Variants in USP36 observed in about 807,000 individuals in gnomAD.
USP36 encodes ubiquitin carboxyl-terminal hydrolase 36.
Under a neutral mutation model 111.5 loss-of-function variants are expected in USP36, and 59 were observed. The observed-to-expected ratio is 0.53, with a 90% CI of 0.43 to 0.66. USP36 has a LOEUF of 0.66. Among genes scored for constraint, USP36 ranks in the 30% least tolerant of loss-of-function variants. The pLI is 0.00. For missense variants in USP36, 1,488 were observed against 1,468.0 expected, an observed-to-expected ratio of 1.01 and a Z score of -0.22; for synonymous variants, 628 against 581.0, an observed-to-expected ratio of 1.08 and a Z score of -1.16.
chr17:78,814,598 G>A, intron 10 of USP36, 46 bp from the exon 11 acceptor site: 2 of 1,595,116 alleles, frequency 1.3e-6, no homozygotes, highest in Non-Finnish European at 1.7e-6. Context: ...CACTTTGAGA[G>A]TAAAGATCAA....
rs1224254306 is a variant in USP36 at position 78,796,144 on chromosome 17, G to A, written c.*1756C>T. The A allele has an allele frequency of 4.6e-5, 7 of 152,134 alleles. No homozygotes were observed. Among genetic ancestry groups the A allele is most frequent in the South Asian group, 2.1e-4 (1 of 4,822 alleles). The allele number at this position is 152,134 out of a possible 1,614,324, so 9.4% of individuals were successfully genotyped here. ...GGAAAAGGTTTTACAGTTATCTAGT[G>A]GAGAAGGGAAGAGACTGATTTGGAG... On this transcript the variant is annotated 3_prime_UTR_variant, in exon 21 of 21. Coordinates refer to ENST00000449938, the MANE Select transcript of USP36 (RefSeq NM_001385174.1).
chr17:78,825,221 C>T (rs752431621), intron 6 of USP36, among the ~76,000 whole-genome samples: 2 of 152,172 alleles, frequency 1.3e-5, no homozygotes, highest in East Asian at 1.9e-4. Context: ...CATTCACAAA[C>T]GCTGGTCACC....
chr17:78,812,641 G>C (rs1365082814), intron 13 of USP36, among the ~76,000 whole-genome samples: 1 of 138,826 alleles, frequency 7.2e-6, no homozygotes. Context: ...AGTGAGCCGA[G>C]ATTGGAGATC....
rs1344724466 is a variant in USP36 at position 78,819,940 on chromosome 17, T to G, written c.901A>C (p.Met301Leu). 1.2e-6 allele frequency: 2 copies of G among 1,614,058 alleles called. No homozygotes were observed. The highest frequency in any genetic ancestry group is 1.7e-6 in the Non-Finnish European group (2 of 1,179,974). Residue 301 changes from methionine (M) to leucine (L), a missense_variant, in exon 9 of 21, where the codon ATG becomes CTG. Transcript: ENST00000449938. Reference protein sequence around the residue: ...ADVLSGENAYMCAKCKKKVPA... With the variant: ...ADVLSGENAYLCAKCKKKVPA... Reference sequence around the variant, plus strand: ...CAACGTGAAACTTACTTAGCACACATGTAGGCATTCTCTCCACTCAGGACA... The same window carrying G: ...CAACGTGAAACTTACTTAGCACACAGGTAGGCATTCTCTCCACTCAGGACA...
At chr17:78,792,736 T>C (rs960787504), downstream of USP36, among the ~76,000 whole-genome samples, 1 of 152,080 alleles carries the variant, frequency 6.6e-6, no homozygotes, top group African/African-American at 2.4e-5. Flanking sequence ...TCGTTGTTTT[T>C]GAGACAGAGT....
In USP36 at chr17:78,826,890, T is replaced by G. The variant is rs2067591772; in HGVS notation, c.689+355A>C. 59 of 584,730 alleles carry G rather than the reference T, an allele frequency of 1.0e-4. No homozygotes were observed. The South Asian group carries it at 1.2e-3, about 12-fold the overall frequency. 36.2% of individuals were successfully genotyped at this position (584,730 alleles called of 1,614,324 possible). ...CCTCTTTTCAAAAACGACATGATTT[T>G]TAAGAGACTGAAAAAGTCCATGGTA... On this transcript the variant is annotated intron_variant, in intron 6 of 20. Transcript: ENST00000449938.
rs750704070 is a variant in USP36, at chr17:78,829,012, C to T, written c.476-5G>A. On this transcript the variant is annotated splice_region_variant and splice_polypyrimidine_tract_variant and intron_variant, in intron 4 of 20. Transcript: ENST00000449938. ...TGCAGAAGCTTCCCTGGTGGCCTGC[C>T]GGCGTGGAAGGAGGAGCAATTTTAA... 26 of 1,611,386 alleles carry T rather than the reference C, an allele frequency of 1.6e-5. No homozygotes were observed. The highest frequency in any genetic ancestry group is 1.2e-4 in the Admixed American group (7 of 59,592).
chr17:78,788,443 G>A (rs1426985034), intron 3 of USP36, among the ~76,000 whole-genome samples: 3 of 152,154 alleles, frequency 2.0e-5, no homozygotes, highest in Admixed American at 6.5e-5. Flanking sequence ...GATTACAGGC[G>A]TGAGCCACCG....
At chr17:78,808,624 T>C (rs1037271158) in intron 13 of USP36, among the ~76,000 whole-genome samples, 4 of 152,250 alleles carry the variant, frequency 2.6e-5, no homozygotes, top group African/African-American at 9.6e-5. Flanking sequence ...GGTTAATTTA[T>C]ATAAGCTATA....
intron 10 of USP36, among the ~76,000 whole-genome samples, chr17:78,816,407 C>T (rs2094190791): frequency 6.6e-6 from 1 of 152,060 alleles, no homozygotes. Flanking sequence ...GGGTGGATCA[C>T]TTGAGGTCAG....
Position 78,818,767 on chromosome 17 carries a change from T to C in USP36, c.923A>G (p.Lys308Arg), listed in dbSNP as rs202103052. 15 of 1,613,932 alleles carry C rather than the reference T, an allele frequency of 9.3e-6. No homozygotes were observed. In the East Asian group the frequency reaches 3.3e-4, roughly 36 times the overall value. ...NAYMCAKCKKKVPASKRFTIH... is the reference protein window; with the variant it reads ...NAYMCAKCKKRVPASKRFTIH... Reference sequence around the variant, plus strand: ...GGTGAAGCGCTTGCTGGCTGGAACCTTCTTCTTGCATCTATGAAGAAGGTG... The same window carrying C: ...GGTGAAGCGCTTGCTGGCTGGAACCCTCTTCTTGCATCTATGAAGAAGGTG... The change falls in exon 10 of 21, where the codon AAG (lysine) becomes AGG (arginine). Residue 308 changes from lysine to arginine, a missense_variant. By Grantham distance (26) the Lys-to-Arg change is conservative. This residue lies in a region of USP36 where 196 missense variants were observed against 264.4 expected (regional missense o/e 0.74). Coordinates refer to ENST00000449938, the MANE Select transcript of USP36 (RefSeq NM_001385174.1).
rs757796841 is a variant in USP36 at position 78,803,892 on chromosome 17, G to A, written c.2303C>T (p.Pro768Leu). The change falls in exon 16 of 21, where the codon CCC (proline) becomes CTC (leucine). Residue 768 changes from proline to leucine, a missense_variant. This residue lies in a region of USP36 where 1,073 missense variants were observed against 994.1 expected (regional missense o/e 1.08). Transcript: ENST00000449938. The surrounding 1 kb of genome is among the most constrained non-coding windows in gnomAD (Gnocchi z 4.6). ...GCTCCGTGGTTCTGACGTCCCTGGGGGCTTGGGGGTACTGGACAGCAATGT... is the reference window on the plus strand; with the variant it reads ...GCTCCGTGGTTCTGACGTCCCTGGGAGCTTGGGGGTACTGGACAGCAATGT... ...HPTLLSSTPK[P>L]PGTSEPRSCS... The A allele has an allele frequency of 1.9e-6, 3 of 1,611,782 alleles. No individual in the cohort carries two copies. The highest frequency in any genetic ancestry group is 2.2e-5 in the East Asian group (1 of 44,830).
At chr17:78,811,889 T>G (rs1228625151) in intron 13 of USP36, among the ~76,000 whole-genome samples, 2 of 151,744 alleles carry the variant, frequency 1.3e-5, no homozygotes, top group Admixed American at 6.6e-5. Context: ...AAAAAGGATA[T>G]TTTTTCCTAC....
intron 10 of USP36, among the ~76,000 whole-genome samples, chr17:78,816,724 A>T (rs1441872043): frequency 6.6e-6 from 1 of 151,980 alleles, no homozygotes; most frequent in Admixed American, 6.6e-5. Context: ...CAATCCTCCC[A>T]CCTCAGCCTC....
intron 5 of USP36, among the ~76,000 whole-genome samples, chr17:78,828,144 T>G (rs1433676413): frequency 6.6e-6 from 1 of 151,676 alleles, no homozygotes; most frequent in Admixed American, 6.6e-5. Context: ...AGTCCAAGAG[T>G]TTGAGGCTGC....
chr17:78,811,805 T>C (rs1004305225), intron 13 of USP36, among the ~76,000 whole-genome samples: 3 of 151,550 alleles, frequency 2.0e-5, no homozygotes, highest in Non-Finnish European at 4.4e-5. Flanking sequence ...GAGGTGGAGG[T>C]TGCAGCGAGC....
At chr17:78,822,821 C>T (rs1037153460) in intron 6 of USP36, among the ~76,000 whole-genome samples, 4 of 152,206 alleles carry the variant, frequency 2.6e-5, no homozygotes, top group Non-Finnish European at 5.9e-5. Context: ...CTCAGAGTCG[C>T]CTAAGGCCTC....
intron 4 of USP36, among the ~76,000 whole-genome samples, chr17:78,833,285 T>C (rs940856984): frequency 7.2e-5 from 11 of 152,306 alleles, no homozygotes; most frequent in East Asian, 3.9e-4. Flanking sequence ...TGTGTTCTTT[T>C]TTTTATGTTT....
At chr17:78,805,054 G>A (rs892154149) in intron 15 of USP36, among the ~76,000 whole-genome samples, 3 of 152,096 alleles carry the variant, frequency 2.0e-5, no homozygotes, top group South Asian at 2.1e-4. Flanking sequence ...ATCTAGTGCC[G>A]AACCCAGTGA....
Sources: gnomAD v4.1 joint callset for allele counts (sites outside exome capture counted in the v4.1 genomes callset) on GRCh38, gnomAD v4.1.1 for gene constraint, gnomAD v4.1.1 regional missense constraint, Gnocchi (gnomAD v3.1) non-coding constraint, MANE v1.5 for transcripts, NCBI Gene and HGNC (gene_info 2026-07-23, HGNC 2026-07-21) for gene names.